The following PDE3B variants were observed in gnomAD, a reference collection of about 807,000 sequenced individuals.
PDE3B encodes cGMP-inhibited 3',5'-cyclic phosphodiesterase 3B.
Under a neutral mutation model 116.8 loss-of-function variants are expected in PDE3B, and 66 were observed. The observed-to-expected ratio is 0.56, with a 90% CI of 0.46 to 0.69. PDE3B has a LOEUF of 0.69. Ranked by LOEUF, PDE3B falls within the 30% of genes least tolerant of loss-of-function variation. The probability of loss-of-function intolerance (pLI) is 0.00; values close to 1 mark genes in which losing one functional copy is unlikely to be tolerated. For synonymous variants in PDE3B, 595 were observed against 533.6 expected (o/e 1.12, Z -1.59); for missense variants, 1,384 against 1,368.1 (o/e 1.01, Z -0.18).
At chr11:14,690,063 G>A (rs1855002162) in intron 1 of PDE3B, among the ~76,000 whole-genome samples, 1 of 152,098 alleles carries the variant, frequency 6.6e-6, no homozygotes, top group South Asian at 2.1e-4. Flanking sequence ...AAGGAATACT[G>A]GTGTTACTCA....
Position 14,806,047 on chromosome 11 carries a change from C to T in PDE3B, c.1522+1997C>T, listed in dbSNP as rs1157851395. ...GAAGGCTTTTACACAGTTGGTGGGA[C>T]TGTAAATTAGTTCAACCAGTGTGGA... On this transcript the variant is annotated intron_variant, in intron 5 of 15. Coordinates refer to ENST00000282096, the MANE Select transcript of PDE3B (RefSeq NM_000922.4). Among the ~76,000 whole-genome samples, 6 of 152,184 alleles carry T rather than the reference C, an allele frequency of 3.9e-5. No homozygotes were observed. In the East Asian group the frequency reaches 1.2e-3, roughly 29 times the overall value.
chr11:14,805,707 T>C (rs941662598), intron 5 of PDE3B, among the ~76,000 whole-genome samples: 3 of 152,180 alleles, frequency 2.0e-5, no homozygotes, highest in Non-Finnish European at 4.4e-5. Context: ...AAAGGAAGTT[T>C]CTTAGGCAGG....
chr11:14,741,948 C>A (rs1856786452), intron 1 of PDE3B, among the ~76,000 whole-genome samples: 1 of 152,042 alleles, frequency 6.6e-6, no homozygotes, highest in South Asian at 2.1e-4. Context: ...AGAGTTTCTG[C>A]CGAGAGATCC....
rs187423003 is a variant in PDE3B, at chr11:14,673,774, G to A, written c.978+28721G>A. 384 of 785,958 alleles carry A rather than the reference G, an allele frequency of 4.9e-4. No individual in the cohort carries two copies. The African/African-American group carries it at 5.7e-3, about 12-fold the overall frequency. The allele number at this position is 785,958 out of a possible 1,614,324, so 48.7% of individuals were successfully genotyped here. On this transcript the variant is annotated intron_variant, in intron 1 of 15. Transcript: ENST00000282096. ...CGTACAAGTAATCTCAGGAGATGTGGCACTCCATACACCTGGGACATGGGT... is the reference window on the plus strand; with the variant it reads ...CGTACAAGTAATCTCAGGAGATGTGACACTCCATACACCTGGGACATGGGT...
At chr11:14,827,117 A>G (rs1298858724) in intron 7 of PDE3B, among the ~76,000 whole-genome samples, 1 of 152,224 alleles carries the variant, frequency 6.6e-6, no homozygotes, top group African/African-American at 2.4e-5. Context: ...ATAAAATTCA[A>G]CATCCCTTCA....
At chr11:14,882,775 G>T in the PDE3B span, among the ~76,000 whole-genome samples, 1 of 152,096 alleles carries the variant, frequency 6.6e-6, no homozygotes, top group South Asian at 2.1e-4. Context: ...ATTGTATAAC[G>T]AGAAAACCCC....
At chr11:14,786,175 TAATG>T (rs1858188263) in intron 2 of PDE3B, among the ~76,000 whole-genome samples, 1 of 151,760 alleles carries the variant, frequency 6.6e-6, no homozygotes, top group Non-Finnish European at 1.5e-5. Flanking sequence ...GGAAAGGAAA[TAATG>T]AATTAATGAA....
At chr11:14,819,026 T>G in intron 6 of PDE3B, 110 bp from the exon 7 acceptor site, 1 of 589,820 alleles carries the variant, frequency 1.7e-6, no homozygotes, top group Non-Finnish European at 3.1e-6. Context: ...AATTTTAGGA[T>G]GCGTTGCAGT....
intron 5 of PDE3B, among the ~76,000 whole-genome samples, chr11:14,811,222 T>TA (rs1398732676): frequency 6.6e-6 from 1 of 152,088 alleles, no homozygotes; most frequent in East Asian, 1.9e-4. Context: ...CTTTTGGTGT[T>TA]TTAGACATGA....
At chr11:14,833,915 T>A (rs1859975771) in intron 10 of PDE3B, among the ~76,000 whole-genome samples, 1 of 152,030 alleles carries the variant, frequency 6.6e-6, no homozygotes, top group Non-Finnish European at 1.5e-5. Flanking sequence ...AAGAAAGAGG[T>A]GGTAAGGAGT....
chr11:14,692,281 G>GAT (rs1855061871), intron 1 of PDE3B, among the ~76,000 whole-genome samples: 1 of 151,562 alleles, frequency 6.6e-6, no homozygotes, highest in Non-Finnish European at 1.5e-5. Context: ...CTCTAAAAAT[G>GAT]ATATATATAA....
chr11:14,656,071 C>T (rs1470340049), intron 1 of PDE3B, among the ~76,000 whole-genome samples: 1 of 152,080 alleles, frequency 6.6e-6, no homozygotes, highest in African/African-American at 2.4e-5. Context: ...CCGTTATAAT[C>T]ATTTATATGA....
At chr11:14,654,201 G>C (rs1299678905) in intron 1 of PDE3B, among the ~76,000 whole-genome samples, 1 of 152,080 alleles carries the variant, frequency 6.6e-6, no homozygotes, top group East Asian at 1.9e-4. Flanking sequence ...TTTTTGTCCA[G>C]AAAGCTCACT....
At chr11:14,708,319 C>T (rs2133825100) in intron 1 of PDE3B, among the ~76,000 whole-genome samples, 1 of 152,188 alleles carries the variant, frequency 6.6e-6, no homozygotes, top group South Asian at 2.1e-4. Context: ...ATGCAGATGT[C>T]CATTCTTGAA....
At chr11:14,895,678 C>A in the PDE3B span, among the ~76,000 whole-genome samples, 1 of 152,176 alleles carries the variant, frequency 6.6e-6, no homozygotes, top group Admixed American at 6.5e-5. Context: ...TTATGAAAGT[C>A]TCCCTGTGAC....
chr11:14,804,046 A>C lies in PDE3B; in HGVS notation c.1518A>C (p.Arg506Ser). Reference protein sequence around the residue: ...VSLTHHVGLRRAGVLSSLSPV... With the variant: ...VSLTHHVGLRSAGVLSSLSPV... Reference sequence around the variant, plus strand: ...TGACTCACCATGTAGGTCTCAGAAGAGCTGGTAAGAAATCATTCTTTATGA... The same window carrying C: ...TGACTCACCATGTAGGTCTCAGAAGCGCTGGTAAGAAATCATTCTTTATGA... The change falls in exon 5 of 16, where the codon AGA becomes AGC. Residue 506 changes from arginine to serine, a missense_variant. Transcript: ENST00000282096. The C allele has an allele frequency of 4.5e-6, 7 of 1,567,974 alleles. No individual in the cohort carries two copies. Among genetic ancestry groups the C allele is most frequent in the Non-Finnish European group, 6.2e-6 (7 of 1,138,188 alleles).
chr11:14,765,361 C>T (rs898318827), intron 1 of PDE3B, among the ~76,000 whole-genome samples: 6 of 151,866 alleles, frequency 4.0e-5, no homozygotes, highest in Non-Finnish European at 8.8e-5. Context: ...ATAACATCTC[C>T]TGGTTGTACT....
chr11:14,783,093 A>G (rs1016923759), intron 2 of PDE3B, among the ~76,000 whole-genome samples: 1 of 152,236 alleles, frequency 6.6e-6, no homozygotes, highest in Non-Finnish European at 1.5e-5. Flanking sequence ...GGTGATCATT[A>G]AAAAGTCAGG....
intron 9 of PDE3B, among the ~76,000 whole-genome samples, 195 bp downstream of exon 9, chr11:14,831,972 A>G (rs1859899891): frequency 6.6e-6 from 1 of 152,194 alleles, no homozygotes; most frequent in South Asian, 2.1e-4. Context: ...ATATATGACA[A>G]GTAGTTTATT....
Sources: gnomAD v4.1 joint callset for allele counts (sites outside exome capture counted in the v4.1 genomes callset) on GRCh38, gnomAD v4.1.1 for gene constraint, MANE v1.5 for transcripts, NCBI Gene and HGNC (gene_info 2026-07-23, HGNC 2026-07-21) for gene names.